Variants in SYT14 observed in about 807,000 individuals in gnomAD.
SYT14 encodes synaptotagmin 14, also known as synaptotagmin-14.
A neutral mutation model predicts 74.2 loss-of-function variants in SYT14; 32 were observed. That is an observed-to-expected ratio of 0.43 (90% CI 0.33 to 0.58). The LOEUF is 0.58. SYT14 is among the 20% of genes least tolerant of loss of function. SYT14 has a pLI of 0.05. For missense variants in SYT14, 791 were observed against 981.8 expected, an observed-to-expected ratio of 0.81 and a Z score of 2.60; for synonymous variants, 298 against 337.7, an observed-to-expected ratio of 0.88 and a Z score of 1.29.
At chr1:210,103,866 T>C (rs1171859072) in intron 7 of SYT14, among the ~76,000 whole-genome samples, 5 of 152,206 alleles carry the variant, frequency 3.3e-5, no homozygotes, top group Admixed American at 1.3e-4. Flanking sequence ...ATGCGTGATA[T>C]GACATTTTGT....
chr1:210,036,442 G>C (rs1337822253), intron 5 of SYT14, among the ~76,000 whole-genome samples: 4 of 151,964 alleles, frequency 2.6e-5, no homozygotes, highest in African/African-American at 9.7e-5. Flanking sequence ...TTGCCTGATT[G>C]CTCTGCCTAG....
chr1:209,944,342 G>A (rs1469250015), intron 1 of SYT14, among the ~76,000 whole-genome samples: 1 of 152,166 alleles, frequency 6.6e-6, no homozygotes, highest in African/African-American at 2.4e-5. Flanking sequence ...TTAAAGAGTA[G>A]CTCAAAAGTT....
intron 7 of SYT14, among the ~76,000 whole-genome samples, chr1:210,151,583 G>A (rs1388726241): frequency 6.9e-6 from 1 of 144,812 alleles, no homozygotes; most frequent in African/African-American, 2.6e-5. Flanking sequence ...TGTACTGAGT[G>A]ATCTCTTTGG....
At chr1:210,045,526 A>G (rs1209482644) in intron 5 of SYT14, among the ~76,000 whole-genome samples, 1 of 152,188 alleles carries the variant, frequency 6.6e-6, no homozygotes, top group Non-Finnish European at 1.5e-5. Context: ...TTTTGAAGGA[A>G]TATTCTTTCC....
intron 5 of SYT14, among the ~76,000 whole-genome samples, chr1:210,092,476 G>A (rs926711300): frequency 1.3e-5 from 2 of 152,178 alleles, no homozygotes; most frequent in African/African-American, 4.8e-5. Flanking sequence ...TCAGAATGCT[G>A]CTTAGGAGAA....
chr1:209,981,506 C>T (rs2079487001), intron 2 of SYT14, among the ~76,000 whole-genome samples: 1 of 130,340 alleles, frequency 7.7e-6, no homozygotes, highest in African/African-American at 2.9e-5. Flanking sequence ...AGCTAGAGAG[C>T]AGTGTTGCAA....
chr1:210,004,034 A>T (rs2079947521), intron 2 of SYT14, among the ~76,000 whole-genome samples: 1 of 152,068 alleles, frequency 6.6e-6, no homozygotes. Flanking sequence ...CATCAGAATC[A>T]GATAGCATAA....
chr1:210,031,508 A>AT lies in SYT14; in HGVS notation c.1312+10255dup, dbSNP rs758794823. Among the ~76,000 whole-genome samples, 5 of 152,226 alleles carry AT rather than the reference A, an allele frequency of 3.3e-5. No individual in the cohort carries two copies. The East Asian group carries it at 5.8e-4, about 18-fold the overall frequency. On this transcript the variant is annotated intron_variant, in intron 5 of 9. Coordinates refer to ENST00000637265, the Ensembl canonical transcript of SYT14. ...AGAATTGAAGTAATTTTTCTCATAA[A>AT]TGCTTGGTAGAATTTACCACTGAAT...
Position 209,944,720 on chromosome 1 carries a change from C to T in SYT14, c.-534+6443C>T, listed in dbSNP as rs1332103914. 4.0e-5 allele frequency among the ~76,000 whole-genome samples: 6 copies of T among 150,942 alleles called. No homozygotes were observed. In the East Asian group the frequency reaches 1.2e-3, roughly 29 times the overall value. The stretch of plus-strand genomic sequence containing the variant: ...AATTCCAATTTGGGAGGATAACTCC[C>T]AGAGGGTTGGAGGCCTGAAGTTTTT... On this transcript the variant is annotated intron_variant, in intron 1 of 9. Coordinates refer to ENST00000637265, the Ensembl canonical transcript of SYT14.
At chr1:210,128,032 A>G (rs1428756951) in intron 7 of SYT14, among the ~76,000 whole-genome samples, 2 of 152,004 alleles carry the variant, frequency 1.3e-5, no homozygotes, top group African/African-American at 4.8e-5. Flanking sequence ...CCATCTCAGT[A>G]AAATAAAATA....
chr1:209,991,057 C>T (rs1046654416), intron 2 of SYT14, among the ~76,000 whole-genome samples: 5 of 152,014 alleles, frequency 3.3e-5, no homozygotes, highest in East Asian at 1.9e-4. Context: ...CAGTAAGTGG[C>T]GCTAGGAAAA....
In SYT14 at chr1:210,051,614, C is replaced by G. The variant is rs1404764194; in HGVS notation, c.1312+30360C>G. 2.0e-5 allele frequency among the ~76,000 whole-genome samples: 3 copies of G among 152,024 alleles called. No homozygotes were observed. The East Asian group carries it at 5.8e-4, about 29-fold the overall frequency. ...ATAATTATGTGTGTCTTGTTATTTTCCCTTCACATAGAATACTACATATGT... is the reference window on the plus strand; with the variant it reads ...ATAATTATGTGTGTCTTGTTATTTTGCCTTCACATAGAATACTACATATGT... On this transcript the variant is annotated intron_variant, in intron 5 of 9. Transcript: ENST00000637265.
intron 4 of SYT14, among the ~76,000 whole-genome samples, chr1:210,019,033 G>C (rs999271202): frequency 1.3e-5 from 2 of 149,786 alleles, no homozygotes; most frequent in Non-Finnish European, 3.0e-5. Flanking sequence ...CTACTTGGGA[G>C]GCTGAGGCAG....
At chr1:210,145,383 T>C (rs555524303) in intron 7 of SYT14, among the ~76,000 whole-genome samples, 7 of 152,316 alleles carry the variant, frequency 4.6e-5, no homozygotes, top group African/African-American at 1.7e-4. Context: ...ATGCCTCTCT[T>C]GCTTCCATTA....
chr1:210,057,677 T>A (rs894190924), intron 5 of SYT14, among the ~76,000 whole-genome samples: 48 of 152,256 alleles, frequency 3.2e-4, no homozygotes, highest in Non-Finnish European at 6.9e-4. Flanking sequence ...TTTGATTTTG[T>A]TAATGATTTA....
chr1:210,102,709 A>G (rs2102553090), intron 7 of SYT14, among the ~76,000 whole-genome samples: 1 of 152,152 alleles, frequency 6.6e-6, no homozygotes, highest in East Asian at 1.9e-4. Flanking sequence ...CACTCTGGGA[A>G]AAGTCAGGGT....
intron 2 of SYT14, among the ~76,000 whole-genome samples, chr1:209,996,326 C>G (rs2079790256): frequency 6.6e-6 from 1 of 152,062 alleles, no homozygotes; most frequent in African/African-American, 2.4e-5. Context: ...GTGAACAACT[C>G]TAATGCACAC....
At chr1:210,067,771 C>T (rs760088722) in intron 5 of SYT14, among the ~76,000 whole-genome samples, 27 of 151,666 alleles carry the variant, frequency 1.8e-4, no homozygotes, top group Non-Finnish European at 3.5e-4. Flanking sequence ...TGTGGAGTTC[C>T]TAGGAAAAGC....
intron 7 of SYT14, among the ~76,000 whole-genome samples, chr1:210,113,002 G>A (rs2102586148): frequency 6.6e-6 from 1 of 151,434 alleles, no homozygotes. Flanking sequence ...AGTGAGTTGA[G>A]CATAGTTTTT....
Sources: allele counts gnomAD v4.1 joint callset (sites outside exome capture counted in the v4.1 genomes callset), GRCh38; gene constraint gnomAD v4.1.1; transcripts MANE v1.5; gene names NCBI Gene and HGNC (gene_info 2026-07-23, HGNC 2026-07-21).